MYO3B: variants seen among roughly 807,000 people sequenced by gnomAD.
The protein encoded by MYO3B is myosin-IIIb.
MYO3B carries 156 observed loss-of-function variants against 174.6 expected under a neutral mutation model. That is an observed-to-expected ratio of 0.89 (90% confidence interval 0.78 to 1.02). The LOEUF is 1.02. Ranked by LOEUF, MYO3B falls within the 50% of genes least tolerant of loss-of-function variation. MYO3B has a pLI of 0.00. For synonymous variants in MYO3B, 563 were observed against 569.1 expected, an observed-to-expected ratio of 0.99 and a Z score of 0.15; for missense variants, 1,632 against 1,639.4, an observed-to-expected ratio of 1.00 and a Z score of 0.08.
chr2:170,268,036 C>T (rs533611839), intron 7 of MYO3B, among the ~76,000 whole-genome samples: 4 of 152,076 alleles, frequency 2.6e-5, no homozygotes, highest in Admixed American at 6.5e-5. Flanking sequence ...GGTGAAACCC[C>T]GTCTCTACTA....
intron 22 of MYO3B, among the ~76,000 whole-genome samples, chr2:170,425,778 A>G (rs2094655874): frequency 6.6e-6 from 1 of 152,204 alleles, no homozygotes. Flanking sequence ...CCCTGAAATG[A>G]TTACAGTGTA....
In MYO3B at chr2:170,580,718, A is replaced by ATGTGTGTGTGTG. The variant is rs59092368; in HGVS notation, c.3733+36760_3733+36771dup. 3.0e-3 allele frequency among the ~76,000 whole-genome samples: 430 copies of ATGTGTGTGTGTG among 142,758 alleles called. 1 individual carries two copies. Among genetic ancestry groups the ATGTGTGTGTGTG allele is most frequent in the Admixed American group, 3.8e-3 (54 of 14,262 alleles). 93.7% of individuals were successfully genotyped at this position (142,758 alleles called of 152,430 possible). ...CTTCAGGTCCCACAAAACCTTATAT[A>ATGTGTGTGTGTG]TGTGTGTGTGTGTGTGTGTGTGTGT... On this transcript the variant is annotated intron_variant, in intron 32 of 34. Coordinates refer to ENST00000408978, the MANE Select transcript of MYO3B (RefSeq NM_138995.5).
chr2:170,405,035 T>G (rs1004242290), intron 20 of MYO3B, among the ~76,000 whole-genome samples: 1 of 152,244 alleles, frequency 6.6e-6, no homozygotes, highest in African/African-American at 2.4e-5. Context: ...TATGTGCCTT[T>G]AGTGCTTAGC....
chr2:170,599,932 CTTTATCTAGGA>C, intron 32 of MYO3B, among the ~76,000 whole-genome samples: 1 of 152,056 alleles, frequency 6.6e-6, no homozygotes, highest in African/African-American at 2.4e-5. Flanking sequence ...AAATGTTTAT[CTTTATCTAGGA>C]TTTATCTAGA....
intron 8 of MYO3B, among the ~76,000 whole-genome samples, chr2:170,351,432 C>T (rs1012759007): frequency 1.3e-5 from 2 of 152,066 alleles, no homozygotes; most frequent in East Asian, 3.9e-4. Context: ...GACTTTTAGC[C>T]ACCTTCTGGC....
rs1699198703 is a variant in MYO3B at position 170,654,805 on chromosome 2, G to A, written c.*1684G>A. ...TAAATAATGAAATGAGGTATTTAAA[G>A]ATCTCAGAAATTGTAATTTTACAAG... On this transcript the variant is annotated 3_prime_UTR_variant, in exon 35 of 35. Transcript: ENST00000408978. The A allele has an allele frequency of 1.3e-5, 2 of 151,946 alleles. No homozygotes were observed. The allele number at this position is 151,946 out of a possible 1,614,324, so 9.4% of individuals were successfully genotyped here.
chr2:170,367,321 C>T (rs2094206435), intron 8 of MYO3B, among the ~76,000 whole-genome samples: 1 of 152,146 alleles, frequency 6.6e-6, no homozygotes, highest in South Asian at 2.1e-4. Flanking sequence ...ATTTCTCTCC[C>T]CATGTTTGGG....
intron 7 of MYO3B, among the ~76,000 whole-genome samples, chr2:170,275,240 T>C (rs16858087): frequency 0.042 from 6,421 of 152,220 alleles, 463 homozygotes; most frequent in African/African-American, 0.15. Flanking sequence ...AACACGCCAA[T>C]TGAAAACAAT....
Position 170,427,364 on chromosome 2 carries a change from C to T in MYO3B, c.2651-16603C>T, listed in dbSNP as rs184725819. On this transcript the variant is annotated intron_variant, in intron 22 of 34. Transcript: ENST00000408978. ...AAATCAGTTAGTTTGGATAATACAG[C>T]ATTACAGTTCCATAAAGCCAAGGTC... Among the ~76,000 whole-genome samples, 268 of 152,288 alleles carry T rather than the reference C, an allele frequency of 1.8e-3. 1 individual carries two copies. Among genetic ancestry groups the T allele is most frequent in the African/African-American group, 6.2e-3 (256 of 41,568 alleles).
At chr2:170,634,427 G>A (rs867924405) in intron 32 of MYO3B, among the ~76,000 whole-genome samples, 14 of 152,084 alleles carry the variant, frequency 9.2e-5, no homozygotes, top group South Asian at 6.2e-4. Context: ...TGTAGAAAGC[G>A]GAAACTGGAT....
At chr2:170,425,752 T>C (rs1463543748) in intron 22 of MYO3B, among the ~76,000 whole-genome samples, 1 of 152,200 alleles carries the variant, frequency 6.6e-6, no homozygotes, top group East Asian at 1.9e-4. Flanking sequence ...TAGTCTTCCT[T>C]GCATAAGATC....
At chr2:170,511,040 C>T (rs1233085758) in intron 28 of MYO3B, among the ~76,000 whole-genome samples, 1 of 151,140 alleles carries the variant, frequency 6.6e-6, no homozygotes, top group Non-Finnish European at 1.5e-5. Context: ...CTGCTATAAA[C>T]ATTTAGAGCA....
At chr2:170,384,190 T>C (rs527953949) in intron 12 of MYO3B, among the ~76,000 whole-genome samples, 5 of 152,306 alleles carry the variant, frequency 3.3e-5, no homozygotes, top group Non-Finnish European at 5.9e-5. Context: ...ATTAAGGTCT[T>C]AGAATTTTCA....
chr2:170,467,234 G>A (rs549443080), intron 25 of MYO3B, among the ~76,000 whole-genome samples: 1 of 152,306 alleles, frequency 6.6e-6, no homozygotes, highest in East Asian at 1.9e-4. Context: ...ACGTAAAGGT[G>A]AGAAAACTTG....
Position 170,449,515 on chromosome 2 carries a change from T to C in MYO3B, c.2730+5469T>C, listed in dbSNP as rs186769922. On this transcript the variant is annotated intron_variant, in intron 23 of 34. Transcript: ENST00000408978. Reference sequence around the variant, plus strand: ...TTTCTTGGCTGAACACAGTGGCTCATGCCTGTAATCCCAGCACTTTGGGAG... The same window carrying C: ...TTTCTTGGCTGAACACAGTGGCTCACGCCTGTAATCCCAGCACTTTGGGAG... 2.4e-3 allele frequency among the ~76,000 whole-genome samples: 360 copies of C among 152,288 alleles called. 4 individuals are homozygous for C. Among genetic ancestry groups the C allele is most frequent in the Non-Finnish European group, 2.1e-3 (143 of 68,010 alleles).
intron 9 of MYO3B, among the ~76,000 whole-genome samples, chr2:170,377,168 A>G (rs985433989): frequency 3.9e-5 from 6 of 152,254 alleles, no homozygotes; most frequent in African/African-American, 1.2e-4. Flanking sequence ...TAGCAGGCCC[A>G]GTGATGAGAT....
In MYO3B at chr2:170,407,858, C is replaced by T. The variant is rs746225333; in HGVS notation, c.2650+14C>T. 6.2e-6 allele frequency: 10 copies of T among 1,613,572 alleles called. No homozygotes were observed. Among genetic ancestry groups the T allele is most frequent in the Middle Eastern group, 1.6e-4 (1 of 6,080 alleles). ...TGACCAAAACAGGTACTTGGGAACCCTCTGATAGCCCTGCTCTTAAAGCTT... is the reference window on the plus strand; with the variant it reads ...TGACCAAAACAGGTACTTGGGAACCTTCTGATAGCCCTGCTCTTAAAGCTT... On this transcript the variant is annotated intron_variant, in intron 22 of 34. Coordinates refer to ENST00000408978, the MANE Select transcript of MYO3B (RefSeq NM_138995.5).
chr2:170,551,345 T>TTTAA (rs1337239678), intron 32 of MYO3B, among the ~76,000 whole-genome samples: 2 of 119,156 alleles, frequency 1.7e-5, no homozygotes, highest in Non-Finnish European at 3.5e-5. Context: ...TTTAATTTAA[T>TTTAA]TTAATTATTT....
At chr2:170,289,027 T>C (rs1200541117) in intron 7 of MYO3B, among the ~76,000 whole-genome samples, 1 of 152,166 alleles carries the variant, frequency 6.6e-6, no homozygotes, top group African/African-American at 2.4e-5. Context: ...TTTGACTATG[T>C]TGAACCATCT....
Sources: gnomAD v4.1 joint callset for allele counts (sites outside exome capture counted in the v4.1 genomes callset) on GRCh38, gnomAD v4.1.1 for gene constraint, MANE v1.5 for transcripts, NCBI Gene and HGNC (gene_info 2026-07-23, HGNC 2026-07-21) for gene names.